The following IL12B variants were observed in gnomAD, a reference collection of about 807,000 sequenced individuals.
IL12B encodes interleukin 12B.
A neutral mutation model predicts 39.2 loss-of-function variants in IL12B; 27 were observed. The ratio of observed to expected loss-of-function variants is 0.69; its 90% CI spans 0.51 to 0.95. The LOEUF is 0.95. Ranked by LOEUF, IL12B falls within the 40% of genes least tolerant of loss-of-function variation. The pLI, the probability that IL12B is intolerant of heterozygous loss-of-function variation, is 0.00. For synonymous variants in IL12B, 142 were observed against 152.1 expected (o/e 0.93, Z 0.49); for missense variants, 351 against 397.6 (o/e 0.88, Z 1.00).
At chr5:159,327,677 G>A (rs1262182467) in intron 1 of IL12B, among the ~76,000 whole-genome samples, 1 of 152,136 alleles carries the variant, frequency 6.6e-6, no homozygotes, top group East Asian at 1.9e-4. Context: ...TGCTGCTGGC[G>A]CTAAGACCAC....
At chr5:159,323,515 GAAAC>G (rs1328090903) in intron 2 of IL12B, among the ~76,000 whole-genome samples, 186 bp from the exon 3 acceptor site, 1 of 152,192 alleles carries the variant, frequency 6.6e-6, no homozygotes, top group African/African-American at 2.4e-5. Flanking sequence ...ATGGAAAAGA[GAAAC>G]AAAGAGTTTT....
In IL12B at chr5:159,318,841, C is replaced by A. The variant is rs1265770841; in HGVS notation, c.750G>T (p.Arg250=). Residue 250 remains arginine (R), a synonymous_variant, in exon 6 of 8, where the codon CGG becomes CGT. Transcript: ENST00000231228. ...NLQLKPLKNS[R]QVEVSWEYPD... Reference sequence around the variant, plus strand: ...GGTACTCCCAGCTGACCTCCACCTGCCGAGAATTCTTTAATGGCTTCAGCT... The same window carrying A: ...GGTACTCCCAGCTGACCTCCACCTGACGAGAATTCTTTAATGGCTTCAGCT... 6.2e-7 allele frequency: 1 copy of A among 1,613,992 alleles called. No homozygotes were observed. Among genetic ancestry groups the A allele is most frequent in the Admixed American group, 1.7e-5 (1 of 60,022 alleles).
chr5:159,326,873 G>A (rs1031012572), intron 1 of IL12B, 91 bp from the exon 2 acceptor site: 2 of 854,342 alleles, frequency 2.3e-6, no homozygotes, highest in Non-Finnish European at 4.0e-6. Flanking sequence ...AATAATTCTT[G>A]TTACCTTTGT....
In IL12B at chr5:159,329,049, C is replaced by G. The variant is rs1250883819; in HGVS notation, c.-1+1383G>C. 5.3e-5 allele frequency among the ~76,000 whole-genome samples: 8 copies of G among 152,266 alleles called. No individual in the cohort carries two copies. The East Asian group carries it at 1.5e-3, about 29-fold the overall frequency. On this transcript the variant is annotated intron_variant, in intron 1 of 7. Transcript: ENST00000231228. Reference sequence around the variant, plus strand: ...TGCAATTTCATAGGTTTTCTAAACTCTTGAAACCCTTGCATGAAGGACAAA... The same window carrying G: ...TGCAATTTCATAGGTTTTCTAAACTGTTGAAACCCTTGCATGAAGGACAAA...
chr5:159,327,236 C>T lies in IL12B; in HGVS notation c.1-454G>A, dbSNP rs575113848. On this transcript the variant is annotated intron_variant, in intron 1 of 7. Transcript: ENST00000231228. ...AGAAAAAAAGGGCTTACCTGGATCC[C>T]GCTTCCTAGGAGCAAATACTTTTAC... Among the ~76,000 whole-genome samples the T allele has an allele frequency of 4.6e-5, 7 of 152,296 alleles. No individual in the cohort carries two copies. In the South Asian group the frequency reaches 6.2e-4, roughly 14 times the overall value.
At position 159,323,094 on chromosome 5, in the gene IL12B, T is replaced by C. The variant is rs1754122531; in HGVS notation, c.324A>G (p.Glu108=). The stretch of plus-strand genomic sequence containing the variant: ...AAATATCAGTGGACCAAATTCCATC[T>C]TCCTTTTTGTGAAGCAGCAGGAGCG... The part of the protein sequence containing the change: ...SHSLLLLHKK[E]DGIWSTDILK... The change falls in exon 3 of 8, where the codon GAA becomes GAG. Residue 108 remains glutamate, a synonymous_variant. Transcript: ENST00000231228. 1 of 1,614,058 alleles carries C rather than the reference T, an allele frequency of 6.2e-7. No individual in the cohort carries two copies. The highest frequency in any genetic ancestry group is 1.7e-5 in the Admixed American group (1 of 59,994).
At chr5:159,327,436 C>T (rs34159156) in intron 1 of IL12B, among the ~76,000 whole-genome samples, 12 of 152,298 alleles carry the variant, frequency 7.9e-5, no homozygotes, top group South Asian at 2.1e-4. Flanking sequence ...GTTCTGGCAA[C>T]GACCTGGTCA....
intron 3 of IL12B, 22 bp downstream of exon 3, chr5:159,323,032 C>A (rs1307855111): frequency 1.2e-6 from 2 of 1,610,880 alleles, no homozygotes; most frequent in African/African-American, 1.3e-5. Flanking sequence ...AAAATTGATA[C>A]TATCCAAGGG....
intron 6 of IL12B, among the ~76,000 whole-genome samples, chr5:159,317,182 C>T (rs1260758100): frequency 6.6e-6 from 1 of 152,234 alleles, no homozygotes; most frequent in Non-Finnish European, 1.5e-5. Flanking sequence ...ATATCCTGAT[C>T]ATTTCATCAG....
At chr5:159,326,813 GA>G (rs1754199292) in intron 1 of IL12B, 31 bp from the exon 2 acceptor site, 1 of 1,323,398 alleles carries the variant, frequency 7.6e-7, no homozygotes, top group Non-Finnish European at 1.1e-6. Context: ...AGGGGGAAGA[GA>G]AGGAGGAAAA....
intron 7 of IL12B, 99 bp downstream of exon 7, chr5:159,316,586 T>C: frequency 7.5e-7 from 1 of 1,325,166 alleles, no homozygotes; most frequent in Non-Finnish European, 1.1e-6. Context: ...TGCTGGCCAC[T>C]CCATCCCCCT....
At chr5:159,325,795 T>C (rs924140512) in intron 2 of IL12B, 6 of 152,212 alleles carry the variant, frequency 3.9e-5, no homozygotes, top group Non-Finnish European at 8.8e-5. Context: ...TTAACTATTA[T>C]TATTATACAA....
At chr5:159,322,549 T>G (rs1754110900) in intron 3 of IL12B, 38 bp from the exon 4 acceptor site, 5 of 1,354,954 alleles carry the variant, frequency 3.7e-6, no homozygotes, top group Non-Finnish European at 3.2e-6. Context: ...TATTTAGGAG[T>G]TTTTTGCAGA....
chr5:159,320,077 C>T (rs547101369), intron 5 of IL12B, among the ~76,000 whole-genome samples: 18 of 152,264 alleles, frequency 1.2e-4, no homozygotes, highest in East Asian at 3.9e-4. Context: ...TGGATTTGAA[C>T]GGCTAGCTGT....
At chr5:159,326,887 C>G in intron 1 of IL12B, 105 bp from the exon 2 acceptor site, 2 of 779,114 alleles carry the variant, frequency 2.6e-6, no homozygotes, top group Non-Finnish European at 4.6e-6. Context: ...CCTTTGTGAA[C>G]CATATACACA....
chr5:159,328,772 G>A (rs752966369), intron 1 of IL12B, among the ~76,000 whole-genome samples: 1 of 152,174 alleles, frequency 6.6e-6, no homozygotes, highest in Non-Finnish European at 1.5e-5. Flanking sequence ...TGCCTCAGAT[G>A]CATTTGACAA....
In IL12B at chr5:159,320,049, GCTGTAGTGGAGTGGAT is replaced by G. The variant is rs780279002; in HGVS notation, c.697+241_697+256del. Among the ~76,000 whole-genome samples, 150 of 152,328 alleles carry G rather than the reference GCTGTAGTGGAGTGGAT, an allele frequency of 9.8e-4. 1 individual carries two copies. Among genetic ancestry groups the G allele is most frequent in the Non-Finnish European group, 1.7e-3 (115 of 68,022 alleles). On this transcript the variant is annotated intron_variant, in intron 5 of 7. Coordinates refer to ENST00000231228, the MANE Select transcript of IL12B (RefSeq NM_002187.3). ...CTGAATCAAAGTGCAGTAAAGAGCA[GCTGTAGTGGAGTGGAT>G]CTGGATTTGAACGGCTAGCTGTAAG...
chr5:159,320,166 C>G, intron 5 of IL12B, 140 bp downstream of exon 5: 1 of 748,804 alleles, frequency 1.3e-6, no homozygotes, highest in South Asian at 1.5e-5. Flanking sequence ...ATAACAGTAT[C>G]TACATCGTAT....
chr5:159,329,962 C>T (rs1754249689), intron 1 of IL12B, among the ~76,000 whole-genome samples: 1 of 152,120 alleles, frequency 6.6e-6, no homozygotes, highest in Non-Finnish European at 1.5e-5. Flanking sequence ...CCAAGACCAT[C>T]ACAAATATGG....
Sources: allele counts gnomAD v4.1 joint callset (sites outside exome capture counted in the v4.1 genomes callset), GRCh38; gene constraint gnomAD v4.1.1; transcripts MANE v1.5; gene names NCBI Gene and HGNC (gene_info 2026-07-23, HGNC 2026-07-21).